LSP1: variants seen among roughly 807,000 people sequenced by gnomAD.
The protein encoded by LSP1 is lymphocyte specific protein 1.
In LSP1, 32 loss-of-function variants were observed where a neutral mutation model predicts 49.3. The observed-to-expected ratio is 0.65, with a 90% CI of 0.49 to 0.87. The LOEUF (loss-of-function observed/expected upper bound fraction) is 0.87, where lower values mean the gene tolerates loss of function less well. Ranked by LOEUF, LSP1 falls within the 40% of genes least tolerant of loss-of-function variation. The probability of loss-of-function intolerance (pLI) is 0.00; values close to 1 mark genes in which losing one functional copy is unlikely to be tolerated. For synonymous variants in LSP1, 179 were observed against 178.8 expected (o/e 1.00, Z -0.01); for missense variants, 428 against 442.6 (o/e 0.97, Z 0.30).
chr11:1,868,872 C>T (rs1019970939), intron 1 of LSP1: 1 of 985,802 alleles, frequency 1.0e-6, no homozygotes, highest in Non-Finnish European at 1.2e-6. Flanking sequence ...GCCAGGGTGC[C>T]CTGGGCACTC....
At chr11:1,876,631 A>C in intron 1 of LSP1, 1 of 985,420 alleles carries the variant, frequency 1.0e-6, no homozygotes, top group Middle Eastern at 5.2e-4. Context: ...AAGTGTCTGC[A>C]GGGGGAGGAC....
chr11:1,878,351 G>A (rs192074510), intron 1 of LSP1, among the ~76,000 whole-genome samples: 2 of 152,258 alleles, frequency 1.3e-5, no homozygotes, highest in Admixed American at 6.5e-5. Context: ...GCGGAGGCCG[G>A]CAGAAGCGGG....
rs1370642729 is a variant in LSP1 at position 1,870,482 on chromosome 11, G to T, written c.54-9605G>T. ...CCATGAAAGCTTCGGGGAGGGGCCG[G>T]TGGCCAGGCCGGGCACCCCAGAGCT... On this transcript the variant is annotated intron_variant, in intron 1 of 10. Coordinates refer to ENST00000311604, the MANE Select transcript of LSP1 (RefSeq NM_002339.3). The T allele has an allele frequency of 4.2e-6, 5 of 1,197,342 alleles. No individual in the cohort carries two copies. In the African/African-American group the frequency reaches 8.0e-5, roughly 19 times the overall value. The allele number at this position is 1,197,342 out of a possible 1,614,324, so 74.2% of individuals were successfully genotyped here. A position where few individuals can be genotyped will look rare whatever the true frequency, so the allele number is the denominator to read the frequency against.
chr11:1,889,549 T>A (rs1565091117), intron 10 of LSP1: 1 of 612,678 alleles, frequency 1.6e-6, no homozygotes, highest in Non-Finnish European at 3.0e-6. Flanking sequence ...AGCAGCTGCT[T>A]CTTGAGCCAC....
intron 3 of LSP1, 27 bp from the exon 4 acceptor site, chr11:1,883,392 C>G (rs141576338): frequency 6.2e-7 from 1 of 1,613,076 alleles, no homozygotes; most frequent in Non-Finnish European, 8.5e-7. Flanking sequence ...GGCCCTAGAA[C>G]GGCTTTGCCT....
intron 1 of LSP1, among the ~76,000 whole-genome samples, chr11:1,877,492 C>A (rs917432519): frequency 5.3e-5 from 8 of 152,192 alleles, no homozygotes; most frequent in African/African-American, 1.9e-4. Context: ...CCTCCAGGGG[C>A]CCAGCTCTGC....
At chr11:1,889,886 G>T in intron 10 of LSP1, 1 of 627,734 alleles carries the variant, frequency 1.6e-6, no homozygotes. Flanking sequence ...CCTGGACTGT[G>T]GTGGGCAGTG....
chr11:1,861,759 GTGGATGGGTGGATGGA>G (rs1246269849), intron 1 of LSP1, among the ~76,000 whole-genome samples: 2 of 126,572 alleles, frequency 1.6e-5, no homozygotes, highest in Non-Finnish European at 3.3e-5. Context: ...GAGTGGATGA[GTGGATGGGTGGATGGA>G]TGGATGGGTG....
intron 1 of LSP1, chr11:1,870,297 C>T: frequency 1.5e-6 from 2 of 1,300,062 alleles, no homozygotes; most frequent in East Asian, 5.6e-5. Flanking sequence ...CCAAAGCTTA[C>T]TCCCATCCTG....
At chr11:1,877,555 G>A (rs1051518605) in intron 1 of LSP1, among the ~76,000 whole-genome samples, 84 of 152,208 alleles carry the variant, frequency 5.5e-4, no homozygotes, top group Admixed American at 5.2e-4. Flanking sequence ...GGCCGGCACC[G>A]CCGTTGTCGG....
chr11:1,854,130 C>T (rs554465893), intron 1 of LSP1, among the ~76,000 whole-genome samples: 8 of 152,048 alleles, frequency 5.3e-5, no homozygotes, highest in East Asian at 1.9e-4. Flanking sequence ...GGCAGAGGGG[C>T]GACGTGCTAA....
chr11:1,890,783 A>G, intron 10 of LSP1: 2 of 595,854 alleles, frequency 3.4e-6, no homozygotes, highest in South Asian at 4.1e-5. Context: ...GGGTGGCCCC[A>G]CCATCACCCT....
chr11:1,879,528 G>A (rs777613629), intron 1 of LSP1, among the ~76,000 whole-genome samples: 17 of 152,202 alleles, frequency 1.1e-4, no homozygotes, highest in Non-Finnish European at 2.1e-4. Context: ...GAGGTGTCCT[G>A]CCTGGACGTG....
At chr11:1,871,095 G>A (rs1847981580) in intron 1 of LSP1, 1 of 985,568 alleles carries the variant, frequency 1.0e-6, no homozygotes, top group Non-Finnish European at 1.2e-6. Flanking sequence ...GCAGGCGAGG[G>A]CCCCAGAAAG....
intron 1 of LSP1, among the ~76,000 whole-genome samples, chr11:1,872,941 C>T (rs1848106202): frequency 6.6e-6 from 1 of 152,022 alleles, no homozygotes; most frequent in African/African-American, 2.4e-5. Context: ...CGACCCTATC[C>T]CATCCCAAGT....
At chr11:1,857,062 GC>G (rs1371519081) in intron 1 of LSP1, among the ~76,000 whole-genome samples, 2 of 152,210 alleles carry the variant, frequency 1.3e-5, no homozygotes, top group Non-Finnish European at 2.9e-5. Context: ...CCTTCCTCCT[GC>G]CCTGGGTAAG....
chr11:1,875,042 C>T lies in LSP1; in HGVS notation c.54-5045C>T, dbSNP rs559866445. On this transcript the variant is annotated intron_variant, in intron 1 of 10. Coordinates refer to ENST00000311604, the MANE Select transcript of LSP1 (RefSeq NM_002339.3). ...GTGGGGCCCACAGTCTCCTTTCTCG[C>T]GGCCTCCCTGGGCTGACCCTGGGTC... Among the ~76,000 whole-genome samples the T allele has an allele frequency of 3.7e-4, 57 of 152,314 alleles. 1 individual carries two copies. The highest frequency in any genetic ancestry group is 1.4e-3 in the African/African-American group (57 of 41,572).
chr11:1,890,151 T>C (rs1848933469), intron 10 of LSP1: 1 of 716,930 alleles, frequency 1.4e-6, no homozygotes, highest in Non-Finnish European at 2.6e-6. Flanking sequence ...GGCCCTGAAT[T>C]GAGCAGCTAG....
intron 1 of LSP1, chr11:1,870,844 C>T: frequency 2.0e-6 from 2 of 986,992 alleles, no homozygotes; most frequent in Non-Finnish European, 2.4e-6. Flanking sequence ...TGTCCCAGAA[C>T]GTGCCAAAAG....
Sources: gnomAD v4.1 joint callset for allele counts (sites outside exome capture counted in the v4.1 genomes callset) on GRCh38, gnomAD v4.1.1 for gene constraint, MANE v1.5 for transcripts, NCBI Gene and HGNC (gene_info 2026-07-23, HGNC 2026-07-21) for gene names.